IGSF5: variants seen among roughly 807,000 people sequenced by gnomAD.
The protein encoded by IGSF5 is immunoglobulin superfamily member 5.
In IGSF5, 41 loss-of-function variants were observed where a neutral mutation model predicts 39.4. That is an observed-to-expected ratio of 1.04 (90% CI 0.81 to 1.35). The LOEUF is 1.35. IGSF5 is among the 40% of genes most tolerant of loss of function. The probability of loss-of-function intolerance (pLI) is 0.00; values close to 1 mark genes in which losing one functional copy is unlikely to be tolerated. For synonymous variants in IGSF5, 183 were observed against 175.3 expected, an observed-to-expected ratio of 1.04 and a Z score of -0.34; for missense variants, 487 against 494.6, an observed-to-expected ratio of 0.98 and a Z score of 0.15.
the IGSF5 span, among the ~76,000 whole-genome samples, chr21:39,721,971 C>T: frequency 3.3e-5 from 5 of 152,158 alleles, no homozygotes; most frequent in African/African-American, 4.8e-5. Flanking sequence ...CCTTTGTCTC[C>T]GTCACAACTC....
At chr21:39,757,748 TG>T (rs1254194303) in intron 2 of IGSF5, among the ~76,000 whole-genome samples, 1 of 152,140 alleles carries the variant, frequency 6.6e-6, no homozygotes, top group Non-Finnish European at 1.5e-5. Flanking sequence ...GGCTAATTTT[TG>T]TATTTTCCAT....
At chr21:39,716,041 A>G in the IGSF5 span, among the ~76,000 whole-genome samples, 19 of 152,230 alleles carry the variant, frequency 1.2e-4, no homozygotes, top group African/African-American at 3.1e-4. Flanking sequence ...TAATTGTAGG[A>G]ACCTGGAAAC....
chr21:39,762,185 G>C (rs1288894985), intron 2 of IGSF5, among the ~76,000 whole-genome samples: 2 of 152,212 alleles, frequency 1.3e-5, no homozygotes, highest in African/African-American at 4.8e-5. Context: ...TGGACAAAAA[G>C]AGTCAAACTT....
chr21:39,770,956 C>T lies in IGSF5; in HGVS notation c.459C>T (p.Val153=), dbSNP rs373181060. The T allele has an allele frequency of 9.3e-5, 148 of 1,599,050 alleles. No homozygotes were observed. The highest frequency in any genetic ancestry group is 1.4e-4 in the Admixed American group (8 of 58,674). ...ELFIPSVNLV[V]AENEPCEVTC... is the part of the protein sequence containing the mutation. ...TCATTCCCAGTGTTAATCTTGTAGTCGCTGAGAATGAACCTTGTGAAGTTA... is the reference window on the plus strand; with the variant it reads ...TCATTCCCAGTGTTAATCTTGTAGTTGCTGAGAATGAACCTTGTGAAGTTA... The change falls in exon 4 of 9, where the codon GTC becomes GTT. Residue 153 remains valine (V), a synonymous_variant. Coordinates refer to ENST00000380588, the MANE Select transcript of IGSF5 (RefSeq NM_001080444.2).
the IGSF5 span, among the ~76,000 whole-genome samples, chr21:39,719,597 T>C: frequency 9.4e-4 from 143 of 152,230 alleles, 1 homozygote; most frequent in Non-Finnish European, 1.5e-3. Context: ...GTAATTGATA[T>C]GAGGAGAGAC....
intron 2 of IGSF5, chr21:39,751,103 C>T (rs544279542): frequency 6.6e-6 from 1 of 152,384 alleles, no homozygotes; most frequent in African/African-American, 2.4e-5. Context: ...AGAGCTTATA[C>T]CTCCCTGGAC....
chr21:39,739,320 A>G, the IGSF5 span, among the ~76,000 whole-genome samples: 2 of 152,018 alleles, frequency 1.3e-5, no homozygotes, highest in African/African-American at 4.8e-5. Context: ...CCCATACAAA[A>G]GGAGGAGACC....
chr21:39,723,635 C>T, the IGSF5 span, among the ~76,000 whole-genome samples: 1 of 152,294 alleles, frequency 6.6e-6, no homozygotes, highest in Non-Finnish European at 1.5e-5. Context: ...CCTGACCTCA[C>T]TGAGACCTGA....
the IGSF5 span, among the ~76,000 whole-genome samples, chr21:39,715,310 G>C: frequency 6.6e-6 from 1 of 152,032 alleles, no homozygotes; most frequent in East Asian, 1.9e-4. Flanking sequence ...GTAGAGATGG[G>C]GTTTCACCAT....
the IGSF5 span, among the ~76,000 whole-genome samples, chr21:39,714,476 T>A: frequency 6.6e-6 from 1 of 152,242 alleles, no homozygotes. Flanking sequence ...ATTTGTTTAC[T>A]AGGGCTGACA....
upstream of IGSF5, among the ~76,000 whole-genome samples, chr21:39,741,634 C>T (rs547007847): frequency 1.3e-5 from 2 of 152,242 alleles, no homozygotes; most frequent in South Asian, 4.2e-4. Flanking sequence ...TGGGCTAATG[C>T]CTGGCCAAAT....
chr21:39,725,568 G>A, the IGSF5 span, among the ~76,000 whole-genome samples: 14 of 152,158 alleles, frequency 9.2e-5, no homozygotes, highest in African/African-American at 2.9e-4. Flanking sequence ...CAGCAAATCC[G>A]AATGAAGACA....
chr21:39,771,323 T>C (rs1325836450), intron 4 of IGSF5, 108 bp downstream of exon 4: 3 of 1,027,414 alleles, frequency 2.9e-6, no homozygotes, highest in Admixed American at 6.0e-5. Flanking sequence ...TATGGCGACC[T>C]TGATTTTGGG....
chr21:39,758,263 C>T (rs2080042793), intron 2 of IGSF5, among the ~76,000 whole-genome samples: 1 of 152,118 alleles, frequency 6.6e-6, no homozygotes, highest in African/African-American at 2.4e-5. Context: ...TGCATCCCTT[C>T]CCATGGTGAC....
intron 2 of IGSF5, among the ~76,000 whole-genome samples, chr21:39,764,814 C>T (rs769632795): frequency 3.3e-4 from 50 of 152,192 alleles, no homozygotes; most frequent in Non-Finnish European, 5.1e-4. Context: ...CTAGGAGAAG[C>T]CACGGTATGT....
At chr21:39,769,966 C>A (rs536723278) in intron 3 of IGSF5, among the ~76,000 whole-genome samples, 1 of 152,144 alleles carries the variant, frequency 6.6e-6, no homozygotes, top group Non-Finnish European at 1.5e-5. Context: ...CAAACTATCT[C>A]ATTCAGTAAG....
upstream of IGSF5, among the ~76,000 whole-genome samples, chr21:39,740,215 C>T (rs949078553): frequency 3.5e-4 from 53 of 152,350 alleles, no homozygotes; most frequent in African/African-American, 1.2e-3. Context: ...CTTCTATAAG[C>T]ATTTCTAATG....
At chr21:39,770,799 G>C (rs1601131425) in intron 3 of IGSF5, 117 bp from the exon 4 acceptor site, 2 of 690,670 alleles carry the variant, frequency 2.9e-6, no homozygotes, top group African/African-American at 3.8e-5. Flanking sequence ...TGGGAAAATA[G>C]GTCTCACAAA....
the IGSF5 span, among the ~76,000 whole-genome samples, chr21:39,736,920 A>G: frequency 1.3e-5 from 2 of 152,308 alleles, no homozygotes; most frequent in East Asian, 3.9e-4. Context: ...ACAGAGGCCA[A>G]GAGATTACAA....
Sources: allele counts gnomAD v4.1 joint callset (sites outside exome capture counted in the v4.1 genomes callset), GRCh38; gene constraint gnomAD v4.1.1; transcripts MANE v1.5; gene names NCBI Gene and HGNC (gene_info 2026-07-23, HGNC 2026-07-21).